DPP6: variants seen among roughly 807,000 people sequenced by gnomAD.
DPP6 encodes A-type potassium channel modulatory protein DPP6.
A neutral mutation model predicts 122.6 loss-of-function variants in DPP6; 69 were observed. That is an observed-to-expected ratio of 0.56 (90% CI 0.46 to 0.69). The LOEUF is 0.69. DPP6 is among the 30% of genes least tolerant of loss of function. DPP6 has a pLI of 0.00. For synonymous variants in DPP6, 418 were observed against 433.1 expected (o/e 0.97, Z 0.43); for missense variants, 928 against 1,116.9 (o/e 0.83, Z 2.41).
At chr7:154,766,477 T>C (rs547689334) in intron 8 of DPP6, among the ~76,000 whole-genome samples, 1 of 152,236 alleles carries the variant, frequency 6.6e-6, no homozygotes, top group South Asian at 2.1e-4. Context: ...CAGCTAATTT[T>C]TGTATTTTTA....
intron 3 of DPP6, among the ~76,000 whole-genome samples, chr7:154,527,178 T>C (rs545477609): frequency 1.3e-4 from 20 of 152,244 alleles, no homozygotes; most frequent in African/African-American, 4.8e-4. Context: ...CAAGAACTTA[T>C]GCATAGTCGA....
intron 4 of DPP6, among the ~76,000 whole-genome samples, chr7:154,555,689 A>G (rs1829987876): frequency 6.6e-6 from 1 of 152,090 alleles, no homozygotes; most frequent in African/African-American, 2.4e-5. Flanking sequence ...ATATGGCTAA[A>G]TACAAGAAAT....
chr7:153,969,245 G>T (rs1243448423), intron 1 of DPP6, among the ~76,000 whole-genome samples: 4 of 149,226 alleles, frequency 2.7e-5, no homozygotes, highest in Non-Finnish European at 5.9e-5. Context: ...CTCCCAAGTG[G>T]TGTAGCTCCT....
chr7:154,800,752 G>A (rs1378620938), intron 12 of DPP6, among the ~76,000 whole-genome samples: 1 of 152,190 alleles, frequency 6.6e-6, no homozygotes, highest in Non-Finnish European at 1.5e-5. Flanking sequence ...CCTCCCACCT[G>A]TGTTTTAGAA....
At chr7:154,007,802 A>G (rs1287327180) in intron 1 of DPP6, among the ~76,000 whole-genome samples, 1 of 152,118 alleles carries the variant, frequency 6.6e-6, no homozygotes, top group Non-Finnish European at 1.5e-5. Context: ...CTCCACAGAT[A>G]GTGAGGTAGT....
intron 1 of DPP6, among the ~76,000 whole-genome samples, chr7:154,392,604 C>T (rs1019851663): frequency 6.6e-6 from 1 of 152,094 alleles, no homozygotes; most frequent in Non-Finnish European, 1.5e-5. Flanking sequence ...ACCAATACCT[C>T]GTAGGAAGGT....
At chr7:154,451,585 A>G (rs955057136) in intron 2 of DPP6, among the ~76,000 whole-genome samples, 4 of 152,052 alleles carry the variant, frequency 2.6e-5, no homozygotes, top group African/African-American at 9.7e-5. Flanking sequence ...ATCTACATTC[A>G]GTTCTTTTGC....
At chr7:154,593,782 A>G (rs1832938651) in intron 5 of DPP6, among the ~76,000 whole-genome samples, 1 of 152,198 alleles carries the variant, frequency 6.6e-6, no homozygotes, top group South Asian at 2.1e-4. Context: ...CTCAAACAGA[A>G]AGAGAGTAAA....
chr7:154,320,853 G>C (rs1207831953), intron 1 of DPP6, among the ~76,000 whole-genome samples: 1 of 152,142 alleles, frequency 6.6e-6, no homozygotes, highest in Non-Finnish European at 1.5e-5. Context: ...AGAGGAGGTA[G>C]TGTTTATTAT....
At chr7:154,775,787 CA>C (rs1796522750) in intron 10 of DPP6, among the ~76,000 whole-genome samples, 1 of 152,194 alleles carries the variant, frequency 6.6e-6, no homozygotes, top group Non-Finnish European at 1.5e-5. Context: ...TTACCACCTT[CA>C]GATCCATTTG....
chr7:154,811,180 A>C (rs1799037108), intron 16 of DPP6, among the ~76,000 whole-genome samples: 1 of 152,206 alleles, frequency 6.6e-6, no homozygotes, highest in Admixed American at 6.5e-5. Flanking sequence ...CTCCCCATGG[A>C]GGTAACCAAA....
upstream of DPP6, among the ~76,000 whole-genome samples, chr7:153,885,719 T>G (rs1798885877): frequency 6.6e-6 from 1 of 152,210 alleles, no homozygotes; most frequent in South Asian, 2.1e-4. Flanking sequence ...CCTACCACTT[T>G]CTAGCAAAGC....
intron 21 of DPP6, among the ~76,000 whole-genome samples, chr7:154,882,481 G>A (rs1276827189): frequency 1.3e-5 from 2 of 152,204 alleles, no homozygotes; most frequent in African/African-American, 4.8e-5. Flanking sequence ...CCTTTTAGTG[G>A]CTTGGCATGT....
chr7:154,816,654 A>G (rs1046974262), intron 16 of DPP6, among the ~76,000 whole-genome samples: 2 of 152,210 alleles, frequency 1.3e-5, no homozygotes, highest in Non-Finnish European at 2.9e-5. Flanking sequence ...TTAGTAATCA[A>G]TTGAGTTTCT....
chr7:153,900,250 T>C (rs969386082), intron 1 of DPP6, among the ~76,000 whole-genome samples: 1 of 152,106 alleles, frequency 6.6e-6, no homozygotes, highest in African/African-American at 2.4e-5. Context: ...TTTTTTTTTT[T>C]TTCTGAGCCC....
chr7:154,624,101 G>A lies in DPP6; in HGVS notation c.628-13720G>A, dbSNP rs1295109071. On this transcript the variant is annotated intron_variant, in intron 5 of 25. Coordinates refer to ENST00000377770, the MANE Select transcript of DPP6 (RefSeq NM_130797.4). The surrounding 1 kb of genome is among the most constrained non-coding windows in gnomAD (Gnocchi z 4.7). Reference sequence around the variant, plus strand: ...TCCCAGCATTTGGAGAGGCCAAGGCGGGTGGATCATGAGATCAGGAGTTCA... The same window carrying A: ...TCCCAGCATTTGGAGAGGCCAAGGCAGGTGGATCATGAGATCAGGAGTTCA... Among the ~76,000 whole-genome samples the A allele has an allele frequency of 6.6e-6, 1 of 152,116 alleles. No homozygotes were observed. Among genetic ancestry groups the A allele is most frequent in the Non-Finnish European group, 1.5e-5 (1 of 68,032 alleles).
At chr7:154,815,137 G>T (rs1587228924) in intron 16 of DPP6, among the ~76,000 whole-genome samples, 1 of 152,078 alleles carries the variant, frequency 6.6e-6, no homozygotes, top group Non-Finnish European at 1.5e-5. Context: ...AAAATTAAGG[G>T]CAGCCACACT....
At chr7:153,755,506 T>C in the DPP6 span, among the ~76,000 whole-genome samples, 3 of 150,556 alleles carry the variant, frequency 2.0e-5, no homozygotes, top group African/African-American at 7.4e-5. Context: ...ATGCCCTCCC[T>C]TTTTTGTCTT....
the DPP6 span, among the ~76,000 whole-genome samples, chr7:153,867,844 C>A: frequency 3.9e-5 from 6 of 152,046 alleles, no homozygotes; most frequent in South Asian, 1.0e-3. Flanking sequence ...TAATTTATTG[C>A]GAATTTTTAG....
Sources: gnomAD v4.1 joint callset for allele counts (sites outside exome capture counted in the v4.1 genomes callset) on GRCh38, gnomAD v4.1.1 for gene constraint, Gnocchi (gnomAD v3.1) non-coding constraint, MANE v1.5 for transcripts, NCBI Gene and HGNC (gene_info 2026-07-23, HGNC 2026-07-21) for gene names.